Variants in NTMT2 observed in about 807,000 individuals in gnomAD.
NTMT2 encodes N-terminal Xaa-Pro-Lys N-methyltransferase 2, also known as X-Pro-Lys N-terminal protein methyltransferase 1B.
NTMT2 carries 21 observed loss-of-function variants against 23.4 expected under a neutral mutation model. That is an observed-to-expected ratio of 0.90 (90% CI 0.64 to 1.29). The LOEUF (loss-of-function observed/expected upper bound fraction) is 1.29. Ranked by LOEUF, NTMT2 falls within the 50% of genes most tolerant of loss-of-function variation. The probability of loss-of-function intolerance (pLI) is 0.00; values close to 1 mark genes in which losing one functional copy is unlikely to be tolerated. For synonymous variants in NTMT2, 131 were observed against 127.7 expected, an observed-to-expected ratio of 1.03 and a Z score of -0.17; for missense variants, 336 against 352.0, an observed-to-expected ratio of 0.95 and a Z score of 0.36.
chr1:170,156,222 C>T (rs1236221428), intron 1 of NTMT2, among the ~76,000 whole-genome samples: 1 of 152,066 alleles, frequency 6.6e-6, no homozygotes, highest in Non-Finnish European at 1.5e-5. Flanking sequence ...TTTTTTTGTA[C>T]TATTCTTTGG....
intron 1 of NTMT2, among the ~76,000 whole-genome samples, chr1:170,147,135 A>G (rs150686172): frequency 3.2e-4 from 48 of 152,342 alleles, no homozygotes; most frequent in Non-Finnish European, 4.3e-4. Flanking sequence ...AAGCAGCTAC[A>G]TAATTCTTTG....
At chr1:170,167,425 T>A in intron 3 of NTMT2, 61 bp from the exon 4 acceptor site, 1 of 1,415,412 alleles carries the variant, frequency 7.1e-7, no homozygotes. Flanking sequence ...TCTTCCCTAC[T>A]CACCTTCCAT....
intron 2 of NTMT2, among the ~76,000 whole-genome samples, chr1:170,165,549 T>C (rs191067629): frequency 6.9e-4 from 105 of 152,320 alleles, no homozygotes; most frequent in African/African-American, 2.4e-3. Flanking sequence ...ACAGTTAGCA[T>C]TGTTCACCTC....
intron 1 of NTMT2, among the ~76,000 whole-genome samples, chr1:170,147,280 C>T (rs1038033955): frequency 1.3e-5 from 2 of 152,122 alleles, no homozygotes; most frequent in African/African-American, 2.4e-5. Context: ...AACTTTTTAT[C>T]GTCTATGACT....
At chr1:170,159,012 G>A (rs537908323) in intron 1 of NTMT2, among the ~76,000 whole-genome samples, 6 of 151,648 alleles carry the variant, frequency 4.0e-5, no homozygotes, top group African/African-American at 1.4e-4. Context: ...CTCAGTCTTT[G>A]TTTTTCAGGC....
chr1:170,156,688 A>G lies in NTMT2; in HGVS notation c.155-3830A>G, dbSNP rs1024557670. ...AATATGCACAATTGCAGAAGCTTTCAGGAGGGGAGAACCTGGGGCCGAACA... is the reference window on the plus strand; with the variant it reads ...AATATGCACAATTGCAGAAGCTTTCGGGAGGGGAGAACCTGGGGCCGAACA... On this transcript the variant is annotated intron_variant, in intron 1 of 3. Transcript: ENST00000439373. Among the ~76,000 whole-genome samples, 4 of 152,056 alleles carry G rather than the reference A, an allele frequency of 2.6e-5. No homozygotes were observed. The East Asian group carries it at 5.8e-4, about 22-fold the overall frequency.
intron 1 of NTMT2, among the ~76,000 whole-genome samples, chr1:170,159,494 G>A (rs1673230920): frequency 7.4e-6 from 1 of 135,136 alleles, no homozygotes; most frequent in Admixed American, 8.4e-5. Context: ...TTCTAAGTCT[G>A]GAATGTAATT....
chr1:170,163,542 A>AGT (rs1673312686), intron 2 of NTMT2, among the ~76,000 whole-genome samples: 1 of 152,202 alleles, frequency 6.6e-6, no homozygotes, highest in African/African-American at 2.4e-5. Flanking sequence ...CTAGTGGGAG[A>AGT]AAGTAGTAAT....
intron 1 of NTMT2, chr1:170,158,119 T>C (rs1673200774): frequency 6.6e-6 from 1 of 152,108 alleles, no homozygotes; most frequent in African/African-American, 2.4e-5. Flanking sequence ...CTATAGGAGG[T>C]AAATATTCTA....
chr1:170,146,953 A>G (rs979444193), intron 1 of NTMT2, among the ~76,000 whole-genome samples: 4 of 152,220 alleles, frequency 2.6e-5, no homozygotes, highest in Admixed American at 6.5e-5. Context: ...GGCACCCTAA[A>G]CAGCACTGAA....
rs559694260 is a variant in NTMT2, at chr1:170,167,980, A to G, written c.*223A>G. Among the ~76,000 whole-genome samples, 1 of 150,996 alleles carries G rather than the reference A, an allele frequency of 6.6e-6. No homozygotes were observed. On this transcript the variant is annotated 3_prime_UTR_variant, in exon 4 of 4. Transcript: ENST00000439373. ...ATTCTGTGGATTTTCTGAAAAAAAA[A>G]TGGAGTGAAATATCAGGAAACGTGC...
At position 170,167,542 on chromosome 1, in the gene NTMT2, A is replaced by T; in HGVS notation, c.637A>T (p.Lys213Ter). The change falls in exon 4 of 4, where the codon AAA becomes TAA. Residue 213 changes from lysine to a stop codon, truncating the protein, a stop_gained. Coordinates refer to ENST00000439373, the MANE Select transcript of NTMT2 (RefSeq NM_001136107.2). LOFTEE classifies it high-confidence loss of function. ...AFLSRCRDGL[K>*]ENGIIILKDN... ...TCTTTCCCGGTGCCGAGATGGCCTG[A>T]AAGAAAATGGCATCATCATATTGAA... The T allele has an allele frequency of 6.4e-7, 1 of 1,551,730 alleles. No individual in the cohort carries two copies. The highest frequency in any genetic ancestry group is 8.7e-7 in the Non-Finnish European group (1 of 1,146,998).
At chr1:170,163,374 G>A (rs887125924) in intron 2 of NTMT2, among the ~76,000 whole-genome samples, 2 of 152,162 alleles carry the variant, frequency 1.3e-5, no homozygotes, top group African/African-American at 4.8e-5. Flanking sequence ...AAAGAAGATT[G>A]TTTAATTTAA....
At position 170,167,631 on chromosome 1, in the gene NTMT2, G is replaced by C; in HGVS notation, c.726G>C (p.Met242Ile). 1 of 1,551,698 alleles carries C rather than the reference G, an allele frequency of 6.4e-7. No homozygotes were observed. Among genetic ancestry groups the C allele is most frequent in the Non-Finnish European group, 8.7e-7 (1 of 1,146,992 alleles). The change falls in exon 4 of 4, where the codon ATG (methionine) becomes ATC (isoleucine). Residue 242 changes from methionine to isoleucine, a missense_variant. Physicochemically the swap from Met to Ile is conservative, Grantham distance 10. Coordinates refer to ENST00000439373, the MANE Select transcript of NTMT2 (RefSeq NM_001136107.2). ...CTGACAGCAGTGTGACTCGGGACAT[G>C]GACATCCTCCGGAGCCTAATAAGGA... is the stretch of plus-strand genomic sequence containing the variant. ...DLSDSSVTRD[M>I]DILRSLIRKS...
chr1:170,166,675 C>A lies in NTMT2; in HGVS notation c.504C>A (p.Ser168Arg). The A allele has an allele frequency of 6.4e-7, 1 of 1,552,198 alleles. No individual in the cohort carries two copies. Among genetic ancestry groups the A allele is most frequent in the Non-Finnish European group, 8.7e-7 (1 of 1,147,076 alleles). Reference protein sequence around the residue: ...YLQVKGDKVESYHCYSLQEFT... With the variant: ...YLQVKGDKVERYHCYSLQEFT... ...AGGTCAAAGGTGACAAAGTAGAAAG[C>A]TACCACTGCTACAGCCTGCAGGAAT... The change falls in exon 3 of 4, where the codon AGC (serine) becomes AGA (arginine). Residue 168 changes from serine to arginine, a missense_variant. Ser to Arg is a moderately radical substitution (Grantham distance 110). Transcript: ENST00000439373.
intron 2 of NTMT2, among the ~76,000 whole-genome samples, chr1:170,162,601 A>G (rs998474486): frequency 6.6e-5 from 10 of 152,206 alleles, no homozygotes; most frequent in African/African-American, 2.4e-4. Flanking sequence ...GAGAGAGTCA[A>G]TCTGCTAAGC....
At chr1:170,146,624 T>TTAATAC (rs1672969519) in intron 1 of NTMT2, among the ~76,000 whole-genome samples, 1 of 152,160 alleles carries the variant, frequency 6.6e-6, no homozygotes, top group Non-Finnish European at 1.5e-5. Context: ...TATTAATGCA[T>TTAATAC]TAATACATTG....
Position 170,151,453 on chromosome 1 carries a change from C to T in NTMT2, c.154+5192C>T, listed in dbSNP as rs537840374. The T allele has an allele frequency of 1.1e-4, 17 of 153,792 alleles. No homozygotes were observed. In the East Asian group the frequency reaches 2.8e-3, roughly 26 times the overall value. The allele number at this position is 153,792 out of a possible 1,614,324, so 9.5% of individuals were successfully genotyped here. ...CCCCTTTGCCATCAAAGTTAAAAGC[C>T]AGAGTTAATAACAACATTTCCTAAA... On this transcript the variant is annotated intron_variant, in intron 1 of 3. Transcript: ENST00000439373.
At chr1:170,156,657 T>G (rs1673168958) in intron 1 of NTMT2, among the ~76,000 whole-genome samples, 1 of 152,112 alleles carries the variant, frequency 6.6e-6, no homozygotes, top group South Asian at 2.1e-4. Context: ...TTTACTTATC[T>G]GAGTCAATAT....
Sources: allele counts gnomAD v4.1 joint callset (sites outside exome capture counted in the v4.1 genomes callset), GRCh38; gene constraint gnomAD v4.1.1; transcripts MANE v1.5; gene names NCBI Gene and HGNC (gene_info 2026-07-23, HGNC 2026-07-21).